The following EXOC4 variants were observed in gnomAD, a reference collection of about 807,000 sequenced individuals.
EXOC4 encodes exocyst complex component 4, also known as SEC8-like 1.
In EXOC4, 71 loss-of-function variants were observed where a neutral mutation model predicts 107.2. That is an observed-to-expected ratio of 0.66 (90% CI 0.55 to 0.81). EXOC4 has a LOEUF of 0.81. Among genes scored for constraint, EXOC4 ranks in the 30% least tolerant of loss-of-function variants. The pLI is 0.00. For missense variants in EXOC4, 1,108 were observed against 1,189.6 expected, an observed-to-expected ratio of 0.93 and a Z score of 1.01; for synonymous variants, 456 against 441.2, an observed-to-expected ratio of 1.03 and a Z score of -0.42.
chr7:133,688,403 C>T (rs1038988080), intron 10 of EXOC4, among the ~76,000 whole-genome samples: 8 of 152,232 alleles, frequency 5.3e-5, no homozygotes, highest in African/African-American at 1.7e-4. Flanking sequence ...CAGTATCTTG[C>T]AGCTTTTTAC....
chr7:133,373,205 C>T (rs1796414871), intron 6 of EXOC4, among the ~76,000 whole-genome samples: 1 of 152,174 alleles, frequency 6.6e-6, no homozygotes, highest in Admixed American at 6.5e-5. Context: ...TATGTTTAGA[C>T]ACATGTTTCT....
intron 12 of EXOC4, among the ~76,000 whole-genome samples, chr7:133,903,231 C>G (rs150952735): frequency 6.6e-6 from 1 of 152,160 alleles, no homozygotes; most frequent in Admixed American, 6.5e-5. Context: ...GAGTACTACT[C>G]TGAGTGAAAT....
At chr7:133,567,259 A>T (rs56768457) in intron 9 of EXOC4, among the ~76,000 whole-genome samples, 1 of 152,060 alleles carries the variant, frequency 6.6e-6, no homozygotes, top group East Asian at 1.9e-4. Context: ...GCAAATATAT[A>T]TATATATTCT....
intron 9 of EXOC4, among the ~76,000 whole-genome samples, chr7:133,530,853 A>G (rs1468312493): frequency 6.6e-6 from 1 of 152,178 alleles, no homozygotes; most frequent in African/African-American, 2.4e-5. Flanking sequence ...ATTGCAGTTC[A>G]CTTTTCATGC....
intron 3 of EXOC4, among the ~76,000 whole-genome samples, chr7:133,300,358 A>G (rs1477967303): frequency 6.6e-6 from 1 of 152,194 alleles, no homozygotes; most frequent in Non-Finnish European, 1.5e-5. Context: ...AGCCAGACAC[A>G]TCATCTTAGT....
At chr7:133,626,694 A>G (rs535022782) in intron 9 of EXOC4, among the ~76,000 whole-genome samples, 2 of 152,180 alleles carry the variant, frequency 1.3e-5, no homozygotes, top group African/African-American at 2.4e-5. Flanking sequence ...ATTATTTAGT[A>G]TCTAATCTCA....
At chr7:133,937,422 G>T (rs2116726725) in intron 13 of EXOC4, among the ~76,000 whole-genome samples, 1 of 152,310 alleles carries the variant, frequency 6.6e-6, no homozygotes. Flanking sequence ...CTCTTTTAAA[G>T]AGGCTGGATC....
intron 9 of EXOC4, among the ~76,000 whole-genome samples, chr7:133,590,245 C>T (rs1204833619): frequency 6.6e-6 from 1 of 152,166 alleles, no homozygotes; most frequent in Non-Finnish European, 1.5e-5. Context: ...TTTCACCACT[C>T]TTCCACCCAA....
At chr7:134,030,924 T>C (rs1795256384) in intron 17 of EXOC4, among the ~76,000 whole-genome samples, 1 of 152,110 alleles carries the variant, frequency 6.6e-6, no homozygotes, top group Admixed American at 6.5e-5. Flanking sequence ...ATAACTTTTA[T>C]AACTTTTGCC....
intron 9 of EXOC4, among the ~76,000 whole-genome samples, chr7:133,586,278 T>G (rs1165370219): frequency 1.3e-5 from 2 of 152,068 alleles, no homozygotes; most frequent in African/African-American, 4.8e-5. Context: ...TGTTGTTCCC[T>G]TCCTTGTCTC....
At chr7:133,723,593 G>T (rs187505246) in intron 10 of EXOC4, among the ~76,000 whole-genome samples, 1 of 152,154 alleles carries the variant, frequency 6.6e-6, no homozygotes, top group Non-Finnish European at 1.5e-5. Context: ...TGGGTTCAGC[G>T]ATTCTTGTGC....
intron 17 of EXOC4, among the ~76,000 whole-genome samples, chr7:134,054,441 C>G (rs917834033): frequency 1.6e-4 from 24 of 152,162 alleles, no homozygotes; most frequent in African/African-American, 5.6e-4. Context: ...TTACTTGCTT[C>G]CCATAATTCC....
At chr7:133,717,110 TAAAA>T (rs921819324) in intron 10 of EXOC4, among the ~76,000 whole-genome samples, 1 of 152,026 alleles carries the variant, frequency 6.6e-6, no homozygotes, top group Non-Finnish European at 1.5e-5. Context: ...TAGATTCCAA[TAAAA>T]AAAATTCCAA....
intron 17 of EXOC4, among the ~76,000 whole-genome samples, chr7:134,057,288 T>C (rs1371623054): frequency 6.6e-6 from 1 of 152,130 alleles, no homozygotes; most frequent in African/African-American, 2.4e-5. Context: ...ATAAGCAATA[T>C]GTTTTCTAAA....
intron 5 of EXOC4, among the ~76,000 whole-genome samples, chr7:133,354,219 T>G (rs554369265): frequency 6.6e-6 from 1 of 152,274 alleles, no homozygotes; most frequent in East Asian, 1.9e-4. Context: ...GATTTTTTGT[T>G]GTTGTTGAAA....
At chr7:133,987,875 T>C (rs1215312342) in intron 14 of EXOC4, among the ~76,000 whole-genome samples, 1 of 152,184 alleles carries the variant, frequency 6.6e-6, no homozygotes, top group Non-Finnish European at 1.5e-5. Flanking sequence ...TGAGTTGCCA[T>C]TGAAAGTGTG....
chr7:133,983,539 A>G (rs1023865321), intron 14 of EXOC4, among the ~76,000 whole-genome samples: 10 of 152,260 alleles, frequency 6.6e-5, no homozygotes, highest in Middle Eastern at 3.4e-3. Context: ...CACCAATTTT[A>G]AATTGTCCTA....
At chr7:133,659,670 C>T (rs1803391892) in intron 10 of EXOC4, among the ~76,000 whole-genome samples, 1 of 152,140 alleles carries the variant, frequency 6.6e-6, no homozygotes, top group Admixed American at 6.6e-5. Context: ...CATGGAGAAT[C>T]AGCATTTTGA....
At position 133,917,689 on chromosome 7, in the gene EXOC4, C is replaced by G; in HGVS notation, c.1978C>G (p.Gln660Glu). The change falls in exon 13 of 18, where the codon CAA (glutamine) becomes GAA (glutamate). Residue 660 changes from glutamine to glutamate, a missense_variant. Gln to Glu is a conservative substitution (Grantham distance 29). Transcript: ENST00000253861. ...TCTACCAAACTGGATGAATATGGCTCAACCCAAACAGCTGAGGCCAAAAAG... is the reference window on the plus strand; with the variant it reads ...TCTACCAAACTGGATGAATATGGCTGAACCCAAACAGCTGAGGCCAAAAAG... ...KSLPNWMNMAQPKQLRPKREE... is the reference protein window; with the variant it reads ...KSLPNWMNMAEPKQLRPKREE... 1 of 1,614,022 alleles carries G rather than the reference C, an allele frequency of 6.2e-7. No homozygotes were observed. The highest frequency in any genetic ancestry group is 8.5e-7 in the Non-Finnish European group (1 of 1,179,988).
Sources: allele counts gnomAD v4.1 joint callset (sites outside exome capture counted in the v4.1 genomes callset), GRCh38; gene constraint gnomAD v4.1.1; transcripts MANE v1.5; gene names NCBI Gene and HGNC (gene_info 2026-07-23, HGNC 2026-07-21).